KRIT1: variants seen among roughly 807,000 people sequenced by gnomAD.
KRIT1 encodes the protein KRIT1 ankyrin repeat containing.
KRIT1 carries 45 observed loss-of-function variants against 95.8 expected under a neutral mutation model. That is an observed-to-expected ratio of 0.47 (90% CI 0.37 to 0.60). KRIT1 has a LOEUF of 0.60. Among genes scored for constraint, KRIT1 ranks in the 20% least tolerant of loss-of-function variants. The probability of loss-of-function intolerance (pLI) is 0.00; values close to 1 mark genes in which losing one functional copy is unlikely to be tolerated. For missense variants in KRIT1, 788 were observed against 877.5 expected (o/e 0.90, Z 1.29); for synonymous variants, 282 against 278.8 (o/e 1.01, Z -0.11).
At chr7:92,201,775 G>T (rs544702166) in intron 17 of KRIT1, among the ~76,000 whole-genome samples, 2 of 151,954 alleles carry the variant, frequency 1.3e-5, no homozygotes. Context: ...TTATGAGTGA[G>T]AACATGCGGT....
chr7:92,210,047 T>G (rs995170072), intron 17 of KRIT1, among the ~76,000 whole-genome samples: 1 of 152,160 alleles, frequency 6.6e-6, no homozygotes, highest in African/African-American at 2.4e-5. Flanking sequence ...CACTCCAGCC[T>G]GGGTGATGAA....
chr7:92,204,383 C>A (rs892356746), intron 17 of KRIT1, among the ~76,000 whole-genome samples: 2 of 152,022 alleles, frequency 1.3e-5, no homozygotes, highest in African/African-American at 4.8e-5. Context: ...GCAGACAATT[C>A]TTCCACAGAC....
At chr7:92,207,918 T>G (rs1205915868) in intron 17 of KRIT1, among the ~76,000 whole-genome samples, 1 of 152,120 alleles carries the variant, frequency 6.6e-6, no homozygotes, top group African/African-American at 2.4e-5. Context: ...TTACAAAACA[T>G]TTCATCCATC....
chr7:92,234,716 T>G (rs903049648), intron 9 of KRIT1, 92 bp downstream of exon 9: 14 of 1,064,852 alleles, frequency 1.3e-5, no homozygotes, highest in Non-Finnish European at 1.9e-5. Flanking sequence ...GTGACTACAA[T>G]GCATACAAAT....
chr7:92,214,634 T>C lies in KRIT1; in HGVS notation c.1707A>G (p.Lys569=), dbSNP rs1197872079. 2.5e-6 allele frequency: 4 copies of C among 1,612,510 alleles called. No homozygotes were observed. Among genetic ancestry groups the C allele is most frequent in the Non-Finnish European group, 3.4e-6 (4 of 1,178,764 alleles). ...LQIVYGNYES[K]KHKQGFLNEE... ...ACTTTAGGAAACCTTGCTTGTGTTTTTTACTCTCATAATTTCCATAGACTA... is the reference window on the plus strand; with the variant it reads ...ACTTTAGGAAACCTTGCTTGTGTTTCTTACTCTCATAATTTCCATAGACTA... The change falls in exon 15 of 19, where the codon AAA becomes AAG. Residue 569 remains lysine (K), a synonymous_variant. Transcript: ENST00000394505.
intron 17 of KRIT1, among the ~76,000 whole-genome samples, chr7:92,201,840 T>C (rs1322456608): frequency 6.6e-6 from 1 of 152,168 alleles, no homozygotes; most frequent in Non-Finnish European, 1.5e-5. Context: ...TCCAAGAATG[T>C]TTTAATGAAG....
At position 92,235,612 on chromosome 7, in the gene KRIT1, T is replaced by G; in HGVS notation, c.520A>C (p.Ile174Leu). 1 of 1,613,904 alleles carries G rather than the reference T, an allele frequency of 6.2e-7. No homozygotes were observed. Among genetic ancestry groups the G allele is most frequent in the East Asian group, 2.2e-5 (1 of 44,832 alleles). The change falls in exon 8 of 19, where the codon ATT (isoleucine) becomes CTT (leucine). Residue 174 changes from isoleucine to leucine, a missense_variant. Around this residue, in one of 3 missense-constraint regions of KRIT1, gnomAD observed 289 missense variants for 277.5 expected, o/e 1.04. Transcript: ENST00000394505. ...GGAGAAGGTCGGAATAAAGCTGGAA[T>G]AAAGTGAGATTGTGCATGACGTTCA... ...LDERHAQSHF[I>L]PALFRPSPLE...
chr7:92,221,379 T>C (rs1309080336), intron 14 of KRIT1, among the ~76,000 whole-genome samples: 1 of 151,916 alleles, frequency 6.6e-6, no homozygotes, highest in African/African-American at 2.4e-5. Context: ...GTGGAGATTG[T>C]ACTGAGCCGA....
At chr7:92,214,103 A>T in intron 15 of KRIT1, 124 bp from the exon 16 acceptor site, 1 of 678,882 alleles carries the variant, frequency 1.5e-6, no homozygotes, top group Non-Finnish European at 2.7e-6. Flanking sequence ...TTTGCTGTAA[A>T]ATATCAGAGA....
chr7:92,222,699 G>A (rs1370728731), intron 13 of KRIT1, 123 bp downstream of exon 13: 8 of 687,602 alleles, frequency 1.2e-5, no homozygotes, highest in Non-Finnish European at 2.0e-5. Context: ...TTATATAAAA[G>A]AGAAGAACAT....
In KRIT1 at chr7:92,242,108, C is replaced by T; in HGVS notation, c.28G>A (p.Ala10Thr). MGNPENIED[A>T]YVAVIRPKNT... The stretch of plus-strand genomic sequence containing the variant: ...TTTGGACGAATAACAGCAACATATG[C>T]ATCTTCTATGTTTTCTGGATTTCCC... Residue 10 changes from alanine to threonine, a missense_variant, in exon 4 of 19, where the codon GCA becomes ACA. Physicochemically the swap from Ala to Thr is moderately conservative, Grantham distance 58. Around this residue, in one of 3 missense-constraint regions of KRIT1, gnomAD observed 289 missense variants for 277.5 expected, o/e 1.04. Coordinates refer to ENST00000394505, the MANE Select transcript of KRIT1 (RefSeq NM_194454.3). 6.2e-7 allele frequency: 1 copy of T among 1,600,220 alleles called. No individual in the cohort carries two copies. Among genetic ancestry groups the T allele is most frequent in the African/African-American group, 1.3e-5 (1 of 74,694 alleles).
At chr7:92,214,513 T>C in intron 15 of KRIT1, 98 bp downstream of exon 15, 1 of 862,744 alleles carries the variant, frequency 1.2e-6, no homozygotes, top group Non-Finnish European at 1.9e-6. Flanking sequence ...TCCAAACCAA[T>C]GTAATGTATA....
intron 1 of KRIT1, 58 bp from the exon 2 acceptor site, chr7:92,245,229 T>A (rs1800628056): frequency 6.6e-6 from 1 of 151,032 alleles, no homozygotes; most frequent in East Asian, 1.9e-4. Context: ...GAGAAGTGAG[T>A]TAGAATGACA....
chr7:92,245,605 G>A (rs948520161), intron 1 of KRIT1, 185 bp downstream of exon 1: 1 of 152,150 alleles, frequency 6.6e-6, no homozygotes, highest in Middle Eastern at 3.3e-3. Context: ...CCTGGCGAGG[G>A]GGGGCAGGGA....
chr7:92,235,217 C>T (rs951796077), intron 8 of KRIT1, among the ~76,000 whole-genome samples, 186 bp downstream of exon 8: 1 of 152,140 alleles, frequency 6.6e-6, no homozygotes, highest in Non-Finnish European at 1.5e-5. Flanking sequence ...CCAGGCTGGT[C>T]TCGAACTCCT....
At chr7:92,224,907 C>T (rs1267430914) in intron 12 of KRIT1, among the ~76,000 whole-genome samples, 2 of 152,122 alleles carry the variant, frequency 1.3e-5, no homozygotes, top group Non-Finnish European at 2.9e-5. Context: ...CGCCTGTAAT[C>T]CCAGCACTTT....
At chr7:92,222,744 A>C in intron 13 of KRIT1, 78 bp downstream of exon 13, 3 of 843,876 alleles carry the variant, frequency 3.6e-6, no homozygotes, top group Non-Finnish European at 6.0e-6. Context: ...CAAGAATAAA[A>C]AGAAGTTGTA....
At chr7:92,239,530 G>A (rs185943119) in intron 5 of KRIT1, among the ~76,000 whole-genome samples, 145 of 152,144 alleles carry the variant, frequency 9.5e-4, no homozygotes, top group African/African-American at 3.2e-3. Context: ...ACCAATCTGT[G>A]GCATCCAAAG....
intron 17 of KRIT1, among the ~76,000 whole-genome samples, chr7:92,207,182 A>C (rs1480822636): frequency 6.6e-6 from 1 of 152,090 alleles, no homozygotes; most frequent in Non-Finnish European, 1.5e-5. Context: ...TCTAACCTAA[A>C]AAGGTCTTTC....
Sources: allele counts gnomAD v4.1 joint callset (sites outside exome capture counted in the v4.1 genomes callset), GRCh38; gene constraint gnomAD v4.1.1; regional missense constraint gnomAD v4.1.1; transcripts MANE v1.5; gene names NCBI Gene and HGNC (gene_info 2026-07-23, HGNC 2026-07-21).